SLC37A1: variants seen among roughly 807,000 people sequenced by gnomAD.
SLC37A1 encodes the protein solute carrier family 37 member 1.
In SLC37A1, 49 loss-of-function variants were observed where a neutral mutation model predicts 75.3. The observed-to-expected ratio is 0.65, with a 90% confidence interval of 0.52 to 0.83. The LOEUF is 0.83. Among genes scored for constraint, SLC37A1 ranks in the 40% least tolerant of loss-of-function variants. The pLI, the probability that SLC37A1 is intolerant of heterozygous loss-of-function variation, is 0.00. For synonymous variants in SLC37A1, 268 were observed against 292.1 expected, an observed-to-expected ratio of 0.92 and a Z score of 0.84; for missense variants, 566 against 695.0, an observed-to-expected ratio of 0.81 and a Z score of 2.09.
chr21:42,577,171 G>T (rs1375191574), intron 18 of SLC37A1, among the ~76,000 whole-genome samples: 2 of 151,732 alleles, frequency 1.3e-5, no homozygotes, highest in African/African-American at 4.8e-5. Context: ...AAGGAAGATA[G>T]ATCCAGAAGG....
intron 17 of SLC37A1, among the ~76,000 whole-genome samples, chr21:42,573,019 G>A (rs2147055703): frequency 6.6e-6 from 1 of 152,286 alleles, no homozygotes; most frequent in African/African-American, 2.4e-5. Context: ...GCCCAGGGGA[G>A]CCTGGGTCCA....
intron 5 of SLC37A1, among the ~76,000 whole-genome samples, chr21:42,539,163 A>G (rs1340028731): frequency 6.6e-6 from 1 of 152,190 alleles, no homozygotes; most frequent in Non-Finnish European, 1.5e-5. Flanking sequence ...CACTATATAC[A>G]TTTACTGGAT....
In SLC37A1 at chr21:42,527,114, T is replaced by C. The variant is rs369572123; in HGVS notation, c.138+1257T>C. Among the ~76,000 whole-genome samples, 14 of 152,056 alleles carry C rather than the reference T, an allele frequency of 9.2e-5. 3 individuals are homozygous for C. Among genetic ancestry groups the C allele is most frequent in the East Asian group, 1.9e-4 (1 of 5,166 alleles). ...GGGTTTCAGGATTGACCTAGAAAGG[T>C]TGGGTGTGGATTGTAGGGGAAGAAA... On this transcript the variant is annotated intron_variant, in intron 3 of 19. Transcript: ENST00000352133.
At position 42,552,533 on chromosome 21, in the gene SLC37A1, G is replaced by A. The variant is rs898430277; in HGVS notation, c.769-1529G>A. Among the ~76,000 whole-genome samples, 3 of 152,204 alleles carry A rather than the reference G, an allele frequency of 2.0e-5. No individual in the cohort carries two copies. Among genetic ancestry groups the A allele is most frequent in the Admixed American group, 2.0e-4 (3 of 15,288 alleles). On this transcript the variant is annotated intron_variant, in intron 9 of 19. Coordinates refer to ENST00000352133, the MANE Select transcript of SLC37A1 (RefSeq NM_001320537.2). The surrounding 1 kb of genome is among the most constrained non-coding windows in gnomAD (Gnocchi z 4.2). ...ATATATTCCAACCAATTAGAACAGT[G>A]CCAGGCACAGAGTTGATGCTTAATA...
At chr21:42,557,678 G>A (rs529719691) in intron 10 of SLC37A1, among the ~76,000 whole-genome samples, 4 of 152,378 alleles carry the variant, frequency 2.6e-5, no homozygotes, top group Middle Eastern at 3.4e-3. Flanking sequence ...GGCTGCACTC[G>A]GTGCCACCTG....
At position 42,547,073 on chromosome 21, in the gene SLC37A1, G is replaced by A; in HGVS notation, c.731-30G>A. ...TTGGCATTGCCATGGTGGTGGACCT[G>A]CTCAGCCTCACTCATGTTTGCTCTT... On this transcript the variant is annotated intron_variant, in intron 8 of 19. Transcript: ENST00000352133. This position sits in a 1 kb window ranked among gnomAD's most constrained non-coding sequence, Gnocchi z 6.1. 6.2e-7 allele frequency: 1 copy of A among 1,614,156 alleles called. No homozygotes were observed. Among genetic ancestry groups the A allele is most frequent in the Non-Finnish European group, 8.5e-7 (1 of 1,180,006 alleles).
At chr21:42,565,999 T>C in intron 15 of SLC37A1, 124 bp downstream of exon 15, 1 of 938,418 alleles carries the variant, frequency 1.1e-6, no homozygotes. Context: ...ATGGTGTGGC[T>C]AAAATTGTCC....
chr21:42,534,593 G>A, intron 3 of SLC37A1, 105 bp from the exon 4 acceptor site: 4 of 1,421,188 alleles, frequency 2.8e-6, no homozygotes, highest in Admixed American at 4.3e-5. Flanking sequence ...GGTGCCCTGG[G>A]CAGGCTGCTG....
intron 2 of SLC37A1, among the ~76,000 whole-genome samples, chr21:42,521,474 GTTTC>G (rs1391782677): frequency 2.6e-5 from 4 of 152,240 alleles, no homozygotes; most frequent in Non-Finnish European, 4.4e-5. Context: ...TCTCAAAAGT[GTTTC>G]TTTATTCCTT....
rs1375270578 is a variant in SLC37A1, at chr21:42,548,203, T to C, written c.768+1063T>C. Reference sequence around the variant, plus strand: ...CTGCAGGAGAGCGCGCTCGGGCCTTTCAGCGGCTCCAGGTGCGTTGATGTC... The same window carrying C: ...CTGCAGGAGAGCGCGCTCGGGCCTTCCAGCGGCTCCAGGTGCGTTGATGTC... On this transcript the variant is annotated intron_variant, in intron 9 of 19. Transcript: ENST00000352133. This position sits in a 1 kb window ranked among gnomAD's most constrained non-coding sequence, Gnocchi z 5.6. Among the ~76,000 whole-genome samples the C allele has an allele frequency of 6.6e-6, 1 of 152,118 alleles. No individual in the cohort carries two copies. The highest frequency in any genetic ancestry group is 1.5e-5 in the Non-Finnish European group (1 of 68,014).
chr21:42,536,094 C>T (rs146804494), intron 5 of SLC37A1, among the ~76,000 whole-genome samples: 124 of 152,264 alleles, frequency 8.1e-4, no homozygotes, highest in African/African-American at 2.9e-3. Context: ...AGAGAGAGAC[C>T]GGCTCGGATC....
chr21:42,530,652 A>ACG lies in SLC37A1; in HGVS notation c.139-4045_139-4044insGC, dbSNP rs905052485. Among the ~76,000 whole-genome samples, 5 of 25,066 alleles carry ACG rather than the reference A, an allele frequency of 2.0e-4. 1 individual carries two copies. Among genetic ancestry groups the ACG allele is most frequent in the Non-Finnish European group, 4.3e-4 (5 of 11,604 alleles). 16.4% of individuals were successfully genotyped at this position (25,066 alleles called of 152,430 possible). On this transcript the variant is annotated intron_variant, in intron 3 of 19. Coordinates refer to ENST00000352133, the MANE Select transcript of SLC37A1 (RefSeq NM_001320537.2). ...CACACACACACACACACACACACAC[A>ACG]CACCCCCTCTGTGTTGGCTGAAGGT...
intron 2 of SLC37A1, chr21:42,503,069 CAT>C (rs1251483670): frequency 2.0e-5 from 3 of 152,106 alleles, no homozygotes; most frequent in South Asian, 2.1e-4. Context: ...TACATTATCA[CAT>C]GTCATTATAT....
rs1257483490 is a variant in SLC37A1, at chr21:42,580,609, G to A, written c.*249G>A. 11 of 548,118 alleles carry A rather than the reference G, an allele frequency of 2.0e-5. No individual in the cohort carries two copies. The highest frequency in any genetic ancestry group is 6.9e-5 in the Admixed American group (2 of 29,132). 34.0% of individuals were successfully genotyped at this position (548,118 alleles called of 1,614,324 possible). A position where few individuals can be genotyped will look rare whatever the true frequency, so the allele number is the denominator to read the frequency against. ...AGCCAAGCCAGAGAACCGAAGACCC[G>A]GCCGGCCCTGGCCTCACAGGCGTGT... On this transcript the variant is annotated 3_prime_UTR_variant, in exon 20 of 20. Transcript: ENST00000352133.
intron 2 of SLC37A1, 96 bp downstream of exon 2, chr21:42,518,606 C>T (rs1330683492): frequency 7.2e-7 from 1 of 1,388,290 alleles, no homozygotes; most frequent in African/African-American, 1.4e-5. Context: ...TTATAAAACA[C>T]ATAAAACTTG....
At chr21:42,533,643 G>T (rs2055055703) in intron 3 of SLC37A1, among the ~76,000 whole-genome samples, 1 of 152,056 alleles carries the variant, frequency 6.6e-6, no homozygotes, top group Non-Finnish European at 1.5e-5. Flanking sequence ...AGGCCCCTCT[G>T]CCTCCCGACA....
At chr21:42,558,855 G>A in intron 10 of SLC37A1, 103 bp from the exon 11 acceptor site, 1 of 1,467,198 alleles carries the variant, frequency 6.8e-7, no homozygotes, top group Admixed American at 2.0e-5. Context: ...GTGGAAGAGA[G>A]AGCCGCCAGG....
At chr21:42,549,187 C>T (rs540636625) in intron 9 of SLC37A1, among the ~76,000 whole-genome samples, 3 of 152,332 alleles carry the variant, frequency 2.0e-5, no homozygotes, top group African/African-American at 4.8e-5. Context: ...ACACACCTTC[C>T]GCCCTGGAAC....
rs774904502 is a variant in SLC37A1 at position 42,559,052 on chromosome 21, C to T, written c.944C>T (p.Thr315Met). 4.3e-6 allele frequency: 7 copies of T among 1,613,242 alleles called. No individual in the cohort carries two copies. The highest frequency in any genetic ancestry group is 1.6e-4 in the Middle Eastern group (1 of 6,062). The change falls in exon 11 of 20, where the codon ACG (threonine) becomes ATG (methionine). Residue 315 changes from threonine to methionine, a missense_variant. Coordinates refer to ENST00000352133, the MANE Select transcript of SLC37A1 (RefSeq NM_001320537.2). ...CTCCCCGGGGACGGTGGGAGTGGCACGGCCGCCATCAGCTTCACAGGGGCC... is the reference window on the plus strand; with the variant it reads ...CTCCCCGGGGACGGTGGGAGTGGCATGGCCGCCATCAGCTTCACAGGGGCC... ...VILPGDGGSG[T>M]AAISFTGALK... is the part of the protein sequence containing the mutation.
Sources: allele counts gnomAD v4.1 joint callset (sites outside exome capture counted in the v4.1 genomes callset), GRCh38; gene constraint gnomAD v4.1.1; non-coding constraint Gnocchi (gnomAD v3.1); transcripts MANE v1.5; gene names NCBI Gene and HGNC (gene_info 2026-07-23, HGNC 2026-07-21).